SLC13A5: variants seen among roughly 807,000 people sequenced by gnomAD.
The protein encoded by SLC13A5 is Na(+)/citrate cotransporter.
Under a neutral mutation model 56.5 loss-of-function variants are expected in SLC13A5, and 25 were observed. The observed-to-expected ratio is 0.44, with a 90% CI of 0.32 to 0.62. The LOEUF (loss-of-function observed/expected upper bound fraction) is 0.62, where lower values mean the gene tolerates loss of function less well. Ranked by LOEUF, SLC13A5 falls within the 20% of genes least tolerant of loss-of-function variation. SLC13A5 has a pLI of 0.04. For missense variants in SLC13A5, 649 were observed against 737.8 expected (o/e 0.88, Z 1.39); for synonymous variants, 307 against 301.5 (o/e 1.02, Z -0.19).
At chr17:6,697,593 G>A (rs1456746509) in intron 6 of SLC13A5, among the ~76,000 whole-genome samples, 1 of 152,200 alleles carries the variant, frequency 6.6e-6, no homozygotes, top group Non-Finnish European at 1.5e-5. Flanking sequence ...CAGCAGAACA[G>A]CCTTCACCAT....
rs956453118 is a variant in SLC13A5 at position 6,684,854 on chromosome 17, G to C, written c.*1353C>G. The C allele has an allele frequency of 6.6e-6, 1 of 152,206 alleles. No homozygotes were observed. The highest frequency in any genetic ancestry group is 1.5e-5 in the Non-Finnish European group (1 of 68,030). 9.4% of individuals were successfully genotyped at this position (152,206 alleles called of 1,614,324 possible). ...GGCTCTCATACTTTCTCCTGCCCTG[G>C]AAAATGCCATCCAGGAGCTCATCTC... On this transcript the variant is annotated 3_prime_UTR_variant, in exon 12 of 12. Coordinates refer to ENST00000433363, the MANE Select transcript of SLC13A5 (RefSeq NM_177550.5).
At chr17:6,695,610 C>T (rs951644889) in intron 7 of SLC13A5, 116 bp downstream of exon 7, 307 of 956,540 alleles carry the variant, frequency 3.2e-4, no homozygotes, top group Non-Finnish European at 4.7e-4. Context: ...AGGATGGTCT[C>T]GATCTCCTGA....
chr17:6,707,785 A>G (rs908906015), intron 1 of SLC13A5, among the ~76,000 whole-genome samples: 1 of 151,960 alleles, frequency 6.6e-6, no homozygotes, highest in East Asian at 1.9e-4. Flanking sequence ...GGTCGAATGG[A>G]TACTGGAGAC....
intron 1 of SLC13A5, 52 bp from the exon 2 acceptor site, chr17:6,707,208 C>G: frequency 6.2e-7 from 1 of 1,605,334 alleles, no homozygotes; most frequent in Non-Finnish European, 8.5e-7. Flanking sequence ...CTCTCCCCAC[C>G]CCCAGAACAC....
chr17:6,710,319 G>T (rs180728864), intron 1 of SLC13A5, among the ~76,000 whole-genome samples: 62 of 152,254 alleles, frequency 4.1e-4, no homozygotes, highest in Middle Eastern at 6.8e-3. Flanking sequence ...AAACAATGTC[G>T]CTCATAAATT....
chr17:6,690,091 A>AAAAAC (rs1464979670), intron 10 of SLC13A5: 1 of 140,578 alleles, frequency 7.1e-6, no homozygotes, highest in East Asian at 2.0e-4. Context: ...AAAAAAAAAA[A>AAAAAC]AAAACCATAG....
At chr17:6,707,677 T>G (rs1973907779) in intron 1 of SLC13A5, among the ~76,000 whole-genome samples, 2 of 152,194 alleles carry the variant, frequency 1.3e-5, no homozygotes, top group African/African-American at 2.4e-5. Flanking sequence ...AGGAGGCCAT[T>G]GTTCTAAGAG....
At chr17:6,699,907 G>A (rs1973664182) in intron 6 of SLC13A5, among the ~76,000 whole-genome samples, 1 of 152,226 alleles carries the variant, frequency 6.6e-6, no homozygotes, top group Admixed American at 6.5e-5. Context: ...CGCCCGGCCT[G>A]TATAGCAACT....
intron 5 of SLC13A5, 25 bp downstream of exon 5, chr17:6,702,945 C>T (rs1461039882): frequency 9.3e-6 from 15 of 1,611,042 alleles, no homozygotes; most frequent in Non-Finnish European, 1.3e-5. Context: ...TTCGTTGTCC[C>T]CAGAAGGTGC....
intron 5 of SLC13A5, among the ~76,000 whole-genome samples, chr17:6,702,507 G>T (rs997540157): frequency 6.6e-6 from 1 of 152,202 alleles, no homozygotes; most frequent in African/African-American, 2.4e-5. Flanking sequence ...GATGCCATGG[G>T]GCCATCACCA....
At position 6,687,722 on chromosome 17, in the gene SLC13A5, C is replaced by T. The variant is rs78203589; in HGVS notation, c.1438-56G>A. On this transcript the variant is annotated intron_variant, in intron 10 of 11. Transcript: ENST00000433363. This position sits in a 1 kb window ranked among gnomAD's most constrained non-coding sequence, Gnocchi z 5.0. ...TACAGAACACAGAAGCTCTTGGGGACGTGATTCTGAAAAGGATTCTCTGAA... is the reference window on the plus strand; with the variant it reads ...TACAGAACACAGAAGCTCTTGGGGATGTGATTCTGAAAAGGATTCTCTGAA... 3,533 of 1,496,100 alleles carry T rather than the reference C, an allele frequency of 2.4e-3. 85 individuals are homozygous for T. The African/African-American group carries it at 0.044, about 19-fold the overall frequency. The allele number at this position is 1,496,100 out of a possible 1,614,324, so 92.7% of individuals were successfully genotyped here. A position where few individuals can be genotyped will look rare whatever the true frequency, so the allele number is the denominator to read the frequency against.
At position 6,693,074 on chromosome 17, in the gene SLC13A5, C is replaced by G. The variant is rs1316404570; in HGVS notation, c.1245G>C (p.Gly415=). 6.2e-7 allele frequency: 1 copy of G among 1,614,076 alleles called. No individual in the cohort carries two copies. The highest frequency in any genetic ancestry group is 1.7e-5 in the Admixed American group (1 of 60,016). ...ATCCTTTAGCCAGAGCAAATCCGCC[C>G]CCTAGTAGCAGCACGATGCCCCAGG... ...KVPWGIVLLL[G]GGFALAKGSE... The change falls in exon 9 of 12, where the codon GGG becomes GGC. Residue 415 remains glycine (G), a synonymous_variant. Coordinates refer to ENST00000433363, the MANE Select transcript of SLC13A5 (RefSeq NM_177550.5).
Position 6,690,833 on chromosome 17 carries a change from C to T in SLC13A5, c.1383G>A (p.Glu461=), listed in dbSNP as rs766564731. ...ILSLLVAVFT[E]CTSNVATTTL... is the part of the protein sequence containing the mutation. ...TGGTGGTGGCCACGTTGCTTGTGCACTCAGTGAACACGGCAACGAGCAAGG... is the reference window on the plus strand; with the variant it reads ...TGGTGGTGGCCACGTTGCTTGTGCATTCAGTGAACACGGCAACGAGCAAGG... The change falls in exon 10 of 12, where the codon GAG becomes GAA. Residue 461 remains glutamate (E), a synonymous_variant. Coordinates refer to ENST00000433363, the MANE Select transcript of SLC13A5 (RefSeq NM_177550.5). The T allele has an allele frequency of 1.2e-6, 2 of 1,614,228 alleles. No individual in the cohort carries two copies. The highest frequency in any genetic ancestry group is 1.7e-5 in the Admixed American group (1 of 60,032).
intron 6 of SLC13A5, among the ~76,000 whole-genome samples, chr17:6,696,428 C>T (rs1973563138): frequency 6.6e-6 from 1 of 152,052 alleles, no homozygotes; most frequent in African/African-American, 2.4e-5. Context: ...TCCTTGTGTT[C>T]CCTGGAGTTG....
At chr17:6,690,652 G>A in intron 10 of SLC13A5, 127 bp downstream of exon 10, 2 of 1,320,432 alleles carry the variant, frequency 1.5e-6, no homozygotes, top group Non-Finnish European at 2.2e-6. Context: ...CCACGTCACA[G>A]TCAGACCTGG....
At chr17:6,706,105 A>C (rs1973856855) in intron 3 of SLC13A5, among the ~76,000 whole-genome samples, 3 of 152,214 alleles carry the variant, frequency 2.0e-5, no homozygotes, top group Non-Finnish European at 4.4e-5. Context: ...TATTGACTCC[A>C]TGGCTTAGCT....
intron 1 of SLC13A5, among the ~76,000 whole-genome samples, chr17:6,707,603 A>C (rs6502967): frequency 0.48 from 72,982 of 151,966 alleles, 18,522 homozygotes; most frequent in East Asian, 0.65. Flanking sequence ...GAAGAATAAA[A>C]TACCTGGTTT....
Position 6,711,776 on chromosome 17 carries a change from C to A in SLC13A5, c.102+1456G>T, listed in dbSNP as rs1974045830. ...GGAAGGTCAGCCAAGCTACTATAAT[C>A]ATTCCAGGGAACATCACTCCCTACC... On this transcript the variant is annotated intron_variant, in intron 1 of 11. Transcript: ENST00000433363. This position sits in a 1 kb window ranked among gnomAD's most constrained non-coding sequence, Gnocchi z 4.0. Among the ~76,000 whole-genome samples the A allele has an allele frequency of 6.6e-6, 1 of 151,964 alleles. No individual in the cohort carries two copies.
chr17:6,709,553 C>A (rs1248733271), intron 1 of SLC13A5, among the ~76,000 whole-genome samples: 1 of 152,178 alleles, frequency 6.6e-6, no homozygotes, highest in Non-Finnish European at 1.5e-5. Context: ...CAGGCATGAG[C>A]CACTGTGCCC....
Sources: gnomAD v4.1 joint callset for allele counts (sites outside exome capture counted in the v4.1 genomes callset) on GRCh38, gnomAD v4.1.1 for gene constraint, Gnocchi (gnomAD v3.1) non-coding constraint, MANE v1.5 for transcripts, NCBI Gene and HGNC (gene_info 2026-07-23, HGNC 2026-07-21) for gene names.